The following BCAS3 variants were observed in gnomAD, a reference collection of about 807,000 sequenced individuals.
BCAS3 encodes the protein BCAS4/BCAS3 fusion.
A neutral mutation model predicts 116.1 loss-of-function variants in BCAS3; 53 were observed. That is an observed-to-expected ratio of 0.46 (90% CI 0.37 to 0.57). BCAS3 has a LOEUF of 0.57. BCAS3 is among the 20% of genes least tolerant of loss of function. BCAS3 has a pLI of 0.00. For missense variants in BCAS3, 917 were observed against 1,165.4 expected, an observed-to-expected ratio of 0.79 and a Z score of 3.10; for synonymous variants, 391 against 408.2, an observed-to-expected ratio of 0.96 and a Z score of 0.51.
chr17:61,207,756 C>T (rs968676228), intron 22 of BCAS3, among the ~76,000 whole-genome samples: 2 of 152,142 alleles, frequency 1.3e-5, no homozygotes, highest in Non-Finnish European at 2.9e-5. Context: ...AATCCGCCCT[C>T]TTACATGGCT....
chr17:61,085,696 G>T (rs1451416944), intron 22 of BCAS3, among the ~76,000 whole-genome samples: 3 of 152,134 alleles, frequency 2.0e-5, no homozygotes, highest in Non-Finnish European at 4.4e-5. Context: ...TGGCAACCAT[G>T]GTTGTCCCCT....
rs570234927 is a variant in BCAS3 at position 61,107,453 on chromosome 17, C to G, written c.2425+22889C>G. Among the ~76,000 whole-genome samples the G allele has an allele frequency of 3.5e-4, 54 of 152,270 alleles. 1 individual carries two copies. The highest frequency in any genetic ancestry group is 1.2e-3 in the African/African-American group (51 of 41,550). On this transcript the variant is annotated intron_variant, in intron 22 of 23. Transcript: ENST00000407086. Reference sequence around the variant, plus strand: ...CACCATCATCAAGATACAAACCGTTCCGTCACCACAAATATCTTGCTCATT... The same window carrying G: ...CACCATCATCAAGATACAAACCGTTGCGTCACCACAAATATCTTGCTCATT...
chr17:60,880,105 C>T (rs2055978682), intron 9 of BCAS3, among the ~76,000 whole-genome samples: 1 of 152,200 alleles, frequency 6.6e-6, no homozygotes, highest in African/African-American at 2.4e-5. Flanking sequence ...ACACAATTCT[C>T]ACCCATTGAG....
intron 22 of BCAS3, among the ~76,000 whole-genome samples, chr17:61,257,023 G>A (rs1224237963): frequency 1.3e-5 from 2 of 151,970 alleles, no homozygotes; most frequent in Admixed American, 6.5e-5. Flanking sequence ...CAGCATTTCC[G>A]CTCACATGAT....
intron 5 of BCAS3, among the ~76,000 whole-genome samples, chr17:60,710,961 C>T (rs1227172607): frequency 6.6e-6 from 1 of 151,798 alleles, no homozygotes; most frequent in Non-Finnish European, 1.5e-5. Flanking sequence ...TGCCACCACA[C>T]CCAGTTAATT....
rs1257428468 is a variant in BCAS3, at chr17:61,200,009, GGATGA to G, written c.2425+115449_2425+115453del. Among the ~76,000 whole-genome samples, 1 of 152,136 alleles carries G rather than the reference GGATGA, an allele frequency of 6.6e-6. No homozygotes were observed. ...TAAGGAAATTGGAAACACCAATTTT[GGATGA>G]GATAAGTTACCCTTTCTTCCAGAAT... On this transcript the variant is annotated intron_variant, in intron 22 of 23. Coordinates refer to ENST00000407086, the MANE Select transcript of BCAS3 (RefSeq NM_017679.5). The surrounding 1 kb of genome is among the most constrained non-coding windows in gnomAD (Gnocchi z 5.1).
chr17:60,821,312 A>C (rs926391421), intron 7 of BCAS3, among the ~76,000 whole-genome samples: 1 of 149,198 alleles, frequency 6.7e-6, no homozygotes, highest in African/African-American at 2.6e-5. Flanking sequence ...AGCAGGAAAG[A>C]CTGCAGTGTG....
In BCAS3 at chr17:61,265,481, A is replaced by C. The variant is rs2049609711; in HGVS notation, c.2426-102846A>C. On this transcript the variant is annotated intron_variant, in intron 22 of 23. Coordinates refer to ENST00000407086, the MANE Select transcript of BCAS3 (RefSeq NM_017679.5). The surrounding 1 kb of genome is among the most constrained non-coding windows in gnomAD (Gnocchi z 4.3). ...TAATTGTTCCCTTCCTTCCCCTCTT[A>C]TACAAGGAAGAAAAAAGACGAATCA... Among the ~76,000 whole-genome samples the C allele has an allele frequency of 6.6e-6, 1 of 151,922 alleles. No individual in the cohort carries two copies. The highest frequency in any genetic ancestry group is 2.1e-4 in the South Asian group (1 of 4,822).
At chr17:61,304,898 C>T (rs1013052476) in intron 22 of BCAS3, among the ~76,000 whole-genome samples, 4 of 152,016 alleles carry the variant, frequency 2.6e-5, no homozygotes, top group Non-Finnish European at 5.9e-5. Flanking sequence ...GGATTACAGG[C>T]GTGCACCACC....
At chr17:61,075,128 A>T (rs754113509) in intron 20 of BCAS3, 108 bp downstream of exon 20, 1 of 779,966 alleles carries the variant, frequency 1.3e-6, no homozygotes, top group Non-Finnish European at 2.0e-6. Flanking sequence ...TCTTTATTGG[A>T]TTATCAAGAA....
chr17:61,231,086 G>A (rs1012438147), intron 22 of BCAS3, among the ~76,000 whole-genome samples: 4 of 150,978 alleles, frequency 2.6e-5, no homozygotes, highest in Admixed American at 2.0e-4. Context: ...TTATAGGTGT[G>A]AGCTGCTGTA....
chr17:60,940,859 A>T (rs1471195104), intron 13 of BCAS3, among the ~76,000 whole-genome samples: 9 of 152,200 alleles, frequency 5.9e-5, no homozygotes, highest in Non-Finnish European at 2.9e-5. Context: ...ACAATTAGGT[A>T]GGTGTTATAA....
rs527376734 is a variant in BCAS3 at position 60,906,817 on chromosome 17, A to C, written c.823-3715A>C. Among the ~76,000 whole-genome samples the C allele has an allele frequency of 5.9e-5, 9 of 152,242 alleles. No individual in the cohort carries two copies. The East Asian group carries it at 9.7e-4, about 16-fold the overall frequency. ...ATTTCTAGGTGATATATTTTTTGAG[A>C]TACAACATGGAGAGCACGTTAAAAA... On this transcript the variant is annotated intron_variant, in intron 11 of 23. Transcript: ENST00000407086.
intron 6 of BCAS3, among the ~76,000 whole-genome samples, chr17:60,807,675 A>G (rs966283279): frequency 1.3e-5 from 2 of 151,980 alleles, no homozygotes; most frequent in African/African-American, 2.4e-5. Context: ...CCAGCTACTC[A>G]GAAGGCTGAG....
chr17:60,921,482 G>A (rs982804436), intron 12 of BCAS3, among the ~76,000 whole-genome samples: 8 of 151,148 alleles, frequency 5.3e-5, no homozygotes, highest in East Asian at 1.9e-4. Flanking sequence ...GCGTAGTGGC[G>A]GGCGCCTGTA....
chr17:60,725,030 T>G (rs1015548588), intron 5 of BCAS3, among the ~76,000 whole-genome samples: 1 of 152,078 alleles, frequency 6.6e-6, no homozygotes, highest in Admixed American at 6.6e-5. Context: ...TAAAAAAAGT[T>G]TTTTTTGTAG....
At position 61,286,184 on chromosome 17, in the gene BCAS3, A is replaced by G. The variant is rs1472740284; in HGVS notation, c.2426-82143A>G. Among the ~76,000 whole-genome samples the G allele has an allele frequency of 6.6e-6, 1 of 152,052 alleles. No individual in the cohort carries two copies. The highest frequency in any genetic ancestry group is 2.4e-5 in the African/African-American group (1 of 41,408). On this transcript the variant is annotated intron_variant, in intron 22 of 23. Coordinates refer to ENST00000407086, the MANE Select transcript of BCAS3 (RefSeq NM_017679.5). This position sits in a 1 kb window ranked among gnomAD's most constrained non-coding sequence, Gnocchi z 4.8. ...TCTGGGATTTCTTTGCAGCTTTCAA[A>G]GGGTAGATCTTTGCAACCATCCCTT... is the stretch of plus-strand genomic sequence containing the variant.
chr17:60,819,905 G>A (rs1451121960), intron 7 of BCAS3, among the ~76,000 whole-genome samples: 1 of 152,110 alleles, frequency 6.6e-6, no homozygotes, highest in African/African-American at 2.4e-5. Flanking sequence ...TAGGACTACA[G>A]GCGTGAGCCA....
At position 60,826,006 on chromosome 17, in the gene BCAS3, C is replaced by T. The variant is rs965545785; in HGVS notation, c.476+17930C>T. ...CCAAGTAGCTGGGATTACAGGAGCCCGCCACCATGCCTGGCTAATTTTTTT... is the reference window on the plus strand; with the variant it reads ...CCAAGTAGCTGGGATTACAGGAGCCTGCCACCATGCCTGGCTAATTTTTTT... On this transcript the variant is annotated intron_variant, in intron 7 of 23. Transcript: ENST00000407086. Among the ~76,000 whole-genome samples the T allele has an allele frequency of 7.3e-5, 11 of 151,550 alleles. No individual in the cohort carries two copies. The East Asian group carries it at 1.2e-3, about 16-fold the overall frequency.
Sources: allele counts gnomAD v4.1 joint callset (sites outside exome capture counted in the v4.1 genomes callset), GRCh38; gene constraint gnomAD v4.1.1; non-coding constraint Gnocchi (gnomAD v3.1); transcripts MANE v1.5; gene names NCBI Gene and HGNC (gene_info 2026-07-23, HGNC 2026-07-21).